The following SGCD variants were observed in gnomAD, a reference collection of about 807,000 sequenced individuals.
SGCD encodes the protein delta-sarcoglycan.
In SGCD, 18 loss-of-function variants were observed where a neutral mutation model predicts 36.6. The ratio of observed to expected loss-of-function variants is 0.49; its 90% CI spans 0.34 to 0.73. The LOEUF (loss-of-function observed/expected upper bound fraction) is 0.73. SGCD is among the 30% of genes least tolerant of loss of function. SGCD has a pLI of 0.01. For missense variants in SGCD, 387 were observed against 346.7 expected, an observed-to-expected ratio of 1.12 and a Z score of -0.92; for synonymous variants, 133 against 130.6, an observed-to-expected ratio of 1.02 and a Z score of -0.12.
chr5:155,859,729 T>C, the SGCD span, among the ~76,000 whole-genome samples: 2 of 152,286 alleles, frequency 1.3e-5, no homozygotes, highest in African/African-American at 2.4e-5. Context: ...TACCTTATAG[T>C]TGGTGGTGGA....
chr5:156,298,006 G>C (rs1766945361), intron 3 of SGCD, among the ~76,000 whole-genome samples: 3 of 151,310 alleles, frequency 2.0e-5, no homozygotes, highest in African/African-American at 7.3e-5. Flanking sequence ...TTAGTTTTCA[G>C]CTTGCCCAAA....
intron 3 of SGCD, among the ~76,000 whole-genome samples, chr5:156,370,776 C>CA (rs766518108): frequency 3.3e-5 from 5 of 150,746 alleles, no homozygotes; most frequent in Non-Finnish European, 7.4e-5. Flanking sequence ...TTAATAGGAG[C>CA]AAAAAAACAA....
the SGCD span, among the ~76,000 whole-genome samples, chr5:155,739,749 C>A: frequency 8.5e-5 from 13 of 152,240 alleles, no homozygotes; most frequent in South Asian, 2.7e-3. Context: ...GAGACTGAGG[C>A]AGCTCTATCC....
At chr5:156,263,451 T>C (rs1436899265) in intron 3 of SGCD, among the ~76,000 whole-genome samples, 2 of 152,182 alleles carry the variant, frequency 1.3e-5, no homozygotes, top group East Asian at 3.8e-4. Context: ...TGAAGTTTTT[T>C]TTCTTGCTAA....
intron 1 of SGCD, among the ~76,000 whole-genome samples, chr5:156,101,576 CT>C (rs950289798): frequency 6.6e-5 from 10 of 152,116 alleles, no homozygotes; most frequent in African/African-American, 2.4e-4. Context: ...ATGTCTATAT[CT>C]TTTGTATTTG....
intron 7 of SGCD, among the ~76,000 whole-genome samples, chr5:156,667,226 T>C (rs1394485364): frequency 6.6e-6 from 1 of 152,118 alleles, no homozygotes; most frequent in Non-Finnish European, 1.5e-5. Flanking sequence ...TAAACATATA[T>C]ATTGAAAGTG....
chr5:155,987,021 A>G (rs1251596108), intron 1 of SGCD, among the ~76,000 whole-genome samples: 1 of 152,184 alleles, frequency 6.6e-6, no homozygotes, highest in African/African-American at 2.4e-5. Flanking sequence ...CTTAATGCAT[A>G]TAATGGTTTA....
At chr5:156,752,901 C>CACAT in intron 7 of SGCD, among the ~76,000 whole-genome samples, 1 of 152,228 alleles carries the variant, frequency 6.6e-6, no homozygotes, top group Non-Finnish European at 1.5e-5. Context: ...AGGCCAGTGC[C>CACAT]ACATACCATG....
At chr5:156,572,695 A>G (rs533084302) in intron 4 of SGCD, among the ~76,000 whole-genome samples, 31 of 152,290 alleles carry the variant, frequency 2.0e-4, no homozygotes, top group Admixed American at 3.3e-4. Flanking sequence ...GTGTGAAAGG[A>G]GATATTCTCT....
intron 7 of SGCD, among the ~76,000 whole-genome samples, chr5:156,753,601 T>A (rs749456316): frequency 1.1e-4 from 16 of 152,134 alleles, no homozygotes; most frequent in Admixed American, 9.8e-4. Context: ...GTTTAATTGA[T>A]TCACAGTTCC....
intron 3 of SGCD, among the ~76,000 whole-genome samples, chr5:156,420,432 A>G (rs1052482644): frequency 6.6e-6 from 1 of 152,148 alleles, no homozygotes; most frequent in African/African-American, 2.4e-5. Flanking sequence ...CCATGCCATT[A>G]GGAGCTTCGG....
intron 3 of SGCD, among the ~76,000 whole-genome samples, chr5:156,296,359 T>C (rs1267541951): frequency 6.6e-6 from 1 of 152,210 alleles, no homozygotes; most frequent in Non-Finnish European, 1.5e-5. Context: ...GACAGTCCAA[T>C]TTATTTTCAA....
At chr5:155,965,997 C>T (rs1172503421) in intron 1 of SGCD, among the ~76,000 whole-genome samples, 8 of 152,058 alleles carry the variant, frequency 5.3e-5, no homozygotes, top group African/African-American at 1.9e-4. Flanking sequence ...ATGCTCCCTT[C>T]ATGAATTTGC....
At chr5:156,221,726 C>T (rs942382296) in intron 3 of SGCD, among the ~76,000 whole-genome samples, 1 of 151,936 alleles carries the variant, frequency 6.6e-6, no homozygotes, top group Non-Finnish European at 1.5e-5. Flanking sequence ...TAAAGCAAAG[C>T]TGATGATAAT....
the SGCD span, among the ~76,000 whole-genome samples, chr5:155,850,861 G>C: frequency 6.6e-6 from 1 of 152,188 alleles, no homozygotes; most frequent in Non-Finnish European, 1.5e-5. Context: ...GTCTCAATCT[G>C]ATGGAAGCGA....
At chr5:156,695,604 A>G (rs1480485444) in intron 7 of SGCD, among the ~76,000 whole-genome samples, 1 of 152,168 alleles carries the variant, frequency 6.6e-6, no homozygotes, top group Non-Finnish European at 1.5e-5. Context: ...AAGAACACTG[A>G]TTATTAAAGC....
At chr5:155,855,228 A>G in the SGCD span, among the ~76,000 whole-genome samples, 2 of 152,062 alleles carry the variant, frequency 1.3e-5, no homozygotes, top group Non-Finnish European at 2.9e-5. Context: ...CGGCAACTCT[A>G]CTGACTGGTG....
chr5:156,295,753 C>A (rs1766875912), intron 3 of SGCD, among the ~76,000 whole-genome samples: 1 of 152,090 alleles, frequency 6.6e-6, no homozygotes. Flanking sequence ...ACTGGCAAAC[C>A]CAATATTAGC....
intron 3 of SGCD, among the ~76,000 whole-genome samples, chr5:156,204,676 G>T (rs2127638419): frequency 6.6e-6 from 1 of 152,176 alleles, no homozygotes; most frequent in African/African-American, 2.4e-5. Flanking sequence ...TCATGAAATT[G>T]TTGTGAGGAA....
Sources: gnomAD v4.1 joint callset for allele counts (sites outside exome capture counted in the v4.1 genomes callset) on GRCh38, gnomAD v4.1.1 for gene constraint, MANE v1.5 for transcripts, NCBI Gene and HGNC (gene_info 2026-07-23, HGNC 2026-07-21) for gene names.